Variants in NOTCH4 observed in about 807,000 individuals in gnomAD.
NOTCH4 encodes notch receptor 4.
Under a neutral mutation model 189.0 loss-of-function variants are expected in NOTCH4, and 138 were observed. The ratio of observed to expected loss-of-function variants is 0.73; its 90% confidence interval spans 0.64 to 0.84. The LOEUF is 0.84. Ranked by LOEUF, NOTCH4 falls within the 40% of genes least tolerant of loss-of-function variation. The probability of loss-of-function intolerance (pLI) is 0.00; values close to 1 mark genes in which losing one functional copy is unlikely to be tolerated. For synonymous variants in NOTCH4, 942 were observed against 1,032.8 expected, an observed-to-expected ratio of 0.91 and a Z score of 1.69; for missense variants, 2,286 against 2,605.4, an observed-to-expected ratio of 0.88 and a Z score of 2.67.
chr6:32,220,193 G>C lies in NOTCH4; in HGVS notation c.1251C>G (p.Leu417=), dbSNP rs1789661602. The C allele has an allele frequency of 6.2e-7, 1 of 1,614,034 alleles. No homozygotes were observed. The highest frequency in any genetic ancestry group is 1.3e-5 in the African/African-American group (1 of 75,036). The change falls in exon 7 of 30, where the codon CTC becomes CTG. Residue 417 remains leucine (L), a synonymous_variant. Coordinates refer to ENST00000375023, the MANE Select transcript of NOTCH4 (RefSeq NM_004557.4). ...CCGAATAGCCAGGCTGACACAGGCA[G>C]AGTGTGGAGCCTGTGAGGGGGTTGG... ...CSTNPLTGST[L]CLCQPGYSGP... is the part of the protein sequence containing the mutation.
intron 8 of NOTCH4, 44 bp downstream of exon 8, chr6:32,219,548 C>A (rs1446602100): frequency 1.3e-6 from 2 of 1,569,952 alleles, no homozygotes; most frequent in Non-Finnish European, 1.7e-6. Flanking sequence ...GGGTTCAGGA[C>A]TAGTTCCCTG....
intron 12 of NOTCH4, among the ~76,000 whole-genome samples, chr6:32,214,650 C>T (rs1443496351): frequency 1.3e-5 from 2 of 149,136 alleles, no homozygotes; most frequent in Non-Finnish European, 3.0e-5. Context: ...TTTTTTGAGA[C>T]GGAGTCTTGC....
In NOTCH4 at chr6:32,217,074, C is replaced by CA; in HGVS notation, c.1739-8dup. 1.2e-6 allele frequency: 2 copies of CA among 1,613,100 alleles called. No individual in the cohort carries two copies. Among genetic ancestry groups the CA allele is most frequent in the Non-Finnish European group, 1.7e-6 (2 of 1,180,046 alleles). Reference sequence around the variant, plus strand: ...CAGCGTGGCCCTTCAAAGCCTGTGGCACAGCAGGAAGGTCAGGGACCTGCA... The same window carrying CA: ...CAGCGTGGCCCTTCAAAGCCTGTGGCAACAGCAGGAAGGTCAGGGACCTGCA... On this transcript the variant is annotated splice_polypyrimidine_tract_variant and splice_region_variant and intron_variant, in intron 10 of 29. Transcript: ENST00000375023. This position sits in a 1 kb window ranked among gnomAD's most constrained non-coding sequence, Gnocchi z 4.2.
chr6:32,213,374 C>A, intron 14 of NOTCH4, 122 bp from the exon 15 acceptor site: 1 of 649,236 alleles, frequency 1.5e-6, no homozygotes, highest in East Asian at 2.8e-5. Flanking sequence ...CACTGCCATC[C>A]AATTAATTTT....
At position 32,220,117 on chromosome 6, in the gene NOTCH4, G is replaced by C. The variant is rs756797850; in HGVS notation, c.1315+12C>G. 6.2e-7 allele frequency: 1 copy of C among 1,612,770 alleles called. No homozygotes were observed. The highest frequency in any genetic ancestry group is 1.9e-4 in the Middle Eastern group (1 of 5,302). The stretch of plus-strand genomic sequence containing the variant: ...GAGGCTCAGAGAGGCTCTGAAGTGG[G>C]AGTGGCCTCACCCATCAGACACTCG... On this transcript the variant is annotated intron_variant, in intron 7 of 29. Transcript: ENST00000375023.
In NOTCH4 at chr6:32,223,881, T is replaced by A; in HGVS notation, c.48A>T (p.Leu16=). ...LLLLLLLLLL[L]CVSVVRPRGL... is the part of the protein sequence containing the mutation. ...CTCTGGGTCTGACCACTGAGACACA[T>A]AGCAGCAGCAGCAGCAGCAGCAGCA... The change falls in exon 1 of 30, where the codon CTA becomes CTT. Residue 16 remains leucine (L), a synonymous_variant. Coordinates refer to ENST00000375023, the MANE Select transcript of NOTCH4 (RefSeq NM_004557.4). 1.3e-6 allele frequency: 2 copies of A among 1,583,948 alleles called. No individual in the cohort carries two copies. The highest frequency in any genetic ancestry group is 8.6e-7 in the Non-Finnish European group (1 of 1,169,064).
chr6:32,212,961 G>T lies in NOTCH4; in HGVS notation c.2439-50C>A. 1 of 1,501,548 alleles carries T rather than the reference G, an allele frequency of 6.7e-7. No homozygotes were observed. Among genetic ancestry groups the T allele is most frequent in the East Asian group, 2.3e-5 (1 of 43,916 alleles). 93.0% of individuals were successfully genotyped at this position (1,501,548 alleles called of 1,614,324 possible). On this transcript the variant is annotated intron_variant, in intron 15 of 29. Transcript: ENST00000375023. The surrounding 1 kb of genome is among the most constrained non-coding windows in gnomAD (Gnocchi z 4.4). ...GATAGGAAGAAGTTCGGGCAACAAG[G>T]GGAAGGTAGTGTGTGATATTGTCGG... is the stretch of plus-strand genomic sequence containing the variant.
Position 32,212,818 on chromosome 6 carries a change from C to T in NOTCH4, c.2526+6G>A. Reference sequence around the variant, plus strand: ...CCTCAGCACGCCTGACTTCAATGGCCCTCACCTGGCAGCTGCCTCCGGTGT... The same window carrying T: ...CCTCAGCACGCCTGACTTCAATGGCTCTCACCTGGCAGCTGCCTCCGGTGT... On this transcript the variant is annotated splice_donor_region_variant and intron_variant, in intron 16 of 29. Coordinates refer to ENST00000375023, the MANE Select transcript of NOTCH4 (RefSeq NM_004557.4). The surrounding 1 kb of genome is among the most constrained non-coding windows in gnomAD (Gnocchi z 4.4). 1.3e-6 allele frequency: 2 copies of T among 1,526,702 alleles called. No individual in the cohort carries two copies. The highest frequency in any genetic ancestry group is 2.1e-5 in the Admixed American group (1 of 47,068). The allele number at this position is 1,526,702 out of a possible 1,614,324, so 94.6% of individuals were successfully genotyped here.
intron 19 of NOTCH4, 86 bp downstream of exon 19, chr6:32,204,051 G>A (rs1788521866): frequency 1.3e-6 from 2 of 1,556,008 alleles, no homozygotes; most frequent in Non-Finnish European, 1.7e-6. Flanking sequence ...GGTGACGGCT[G>A]CCGCATGGGT....
Position 32,212,975 on chromosome 6 carries a change from T to C in NOTCH4, c.2439-64A>G, listed in dbSNP as rs1410825407. The C allele has an allele frequency of 2.7e-6, 4 of 1,466,252 alleles. No individual in the cohort carries two copies. Among genetic ancestry groups the C allele is most frequent in the African/African-American group, 1.4e-5 (1 of 71,414 alleles). The allele number at this position is 1,466,252 out of a possible 1,614,324, so 90.8% of individuals were successfully genotyped here. A position where few individuals can be genotyped will look rare whatever the true frequency, so the allele number is the denominator to read the frequency against. On this transcript the variant is annotated intron_variant, in intron 15 of 29. Coordinates refer to ENST00000375023, the MANE Select transcript of NOTCH4 (RefSeq NM_004557.4). This position sits in a 1 kb window ranked among gnomAD's most constrained non-coding sequence, Gnocchi z 4.4. ...CGGGCAACAAGGGGAAGGTAGTGTGTGATATTGTCGGGAGGCAACCACAGG... is the reference window on the plus strand; with the variant it reads ...CGGGCAACAAGGGGAAGGTAGTGTGCGATATTGTCGGGAGGCAACCACAGG...
chr6:32,208,817 T>G (rs1358793549), intron 18 of NOTCH4, among the ~76,000 whole-genome samples: 1 of 152,222 alleles, frequency 6.6e-6, no homozygotes, highest in Non-Finnish European at 1.5e-5. Flanking sequence ...TTGGTGGGAA[T>G]GTAAACTAAC....
rs767104993 is a variant in NOTCH4, at chr6:32,220,236, C to G, written c.1208G>C (p.Gly403Ala). The G allele has an allele frequency of 1.2e-5, 20 of 1,613,744 alleles. No homozygotes were observed. The highest frequency in any genetic ancestry group is 1.6e-5 in the Non-Finnish European group (19 of 1,179,872). The change falls in exon 7 of 30, where the codon GGG (glycine) becomes GCG (alanine). Residue 403 changes from glycine (G) to alanine (A), a missense_variant. Gly to Ala is a moderately conservative substitution (Grantham distance 60). This residue lies in a region of NOTCH4 where 1,903 missense variants were observed against 2,261.9 expected (regional missense o/e 0.84). Transcript: ENST00000375023. ...EDMCLSQPCH[G>A]DAQCSTNPLT... ...GGGGTTGGTGCTGCATTGGGCATCC[C>G]CATGGCACGGCTGGCTCAGACACAT...
intron 12 of NOTCH4, 39 bp downstream of exon 12, chr6:32,215,186 CA>C: frequency 6.5e-7 from 1 of 1,534,336 alleles, no homozygotes; most frequent in Non-Finnish European, 8.8e-7. Context: ...GAAGGGAGCC[CA>C]AAGGAGGGGG....
Position 32,197,436 on chromosome 6 carries a change from G to T in NOTCH4, c.4915C>A (p.His1639Asn). Residue 1639 changes from histidine to asparagine, a missense_variant, in exon 27 of 30, where the codon CAC (histidine) becomes AAC (asparagine). His to Asn is a moderately conservative substitution (Grantham distance 68). Coordinates refer to ENST00000375023, the MANE Select transcript of NOTCH4 (RefSeq NM_004557.4). ...HTVGTGETPLHLAARFSRPTA... is the reference protein window; with the variant it reads ...HTVGTGETPLNLAARFSRPTA... ...GGCCGGGAGAATCGGGCAGCCAGGT[G>T]CAGGGGGGTCTCCCCAGTGCCCACG... 6.4e-7 allele frequency: 1 copy of T among 1,558,260 alleles called. No homozygotes were observed. Among genetic ancestry groups the T allele is most frequent in the Non-Finnish European group, 8.7e-7 (1 of 1,152,064 alleles).
chr6:32,222,430 G>A (rs187797951), intron 3 of NOTCH4, 81 bp downstream of exon 3: 5 of 1,270,840 alleles, frequency 3.9e-6, no homozygotes, highest in Admixed American at 3.5e-5. Flanking sequence ...AGTTTCTCAG[G>A]CTCCAGTTCT....
rs1787871368 is a variant in NOTCH4 at position 32,195,935 on chromosome 6, C to A, written c.5514G>T (p.Gly1838=). ...ACACCGTCCGTGCGCGCGGGAAGGGCCCAGCCTCGCGGCCCGGCGTGGCTT... is the reference window on the plus strand; with the variant it reads ...ACACCGTCCGTGCGCGCGGGAAGGGACCAGCCTCGCGGCCCGGCGTGGCTT... The part of the protein sequence containing the change: ...RHKATPGREA[G]PFPRARTVSV... Residue 1838 remains glycine (G), a synonymous_variant, in exon 30 of 30, where the codon GGG becomes GGT. Transcript: ENST00000375023. This position sits in a 1 kb window ranked among gnomAD's most constrained non-coding sequence, Gnocchi z 5.4. 1.3e-6 allele frequency: 2 copies of A among 1,589,378 alleles called. No individual in the cohort carries two copies.
chr6:32,198,665 C>G lies in NOTCH4; in HGVS notation c.4601G>C (p.Gly1534Ala). The G allele has an allele frequency of 6.2e-7, 1 of 1,612,520 alleles. No individual in the cohort carries two copies. Among genetic ancestry groups the G allele is most frequent in the Non-Finnish European group, 8.5e-7 (1 of 1,179,748 alleles). The change falls in exon 25 of 30, where the codon GGA becomes GCA. Residue 1534 changes from glycine to alanine, a missense_variant. By Grantham distance (60) the Gly-to-Ala change is moderately conservative. Coordinates refer to ENST00000375023, the MANE Select transcript of NOTCH4 (RefSeq NM_004557.4). This position sits in a 1 kb window ranked among gnomAD's most constrained non-coding sequence, Gnocchi z 5.5. ...GVVMCSGPEE[G>A]EEVGQAEETG... is the part of the protein sequence containing the mutation. ...CCCTTTCACCTGGCCCACCTCCTCT[C>G]CCTCCTCAGGGCCTGAGCACATCAC...
intron 17 of NOTCH4, among the ~76,000 whole-genome samples, chr6:32,211,564 C>T (rs938281228): frequency 2.0e-4 from 31 of 151,408 alleles, no homozygotes; most frequent in African/African-American, 6.8e-4. Flanking sequence ...CTGCACTCCA[C>T]CCTGGGTGAC....
Position 32,218,093 on chromosome 6 carries a change from A to G in NOTCH4, c.1526T>C (p.Leu509Pro), listed in dbSNP as rs765298875. Residue 509 changes from leucine (L) to proline (P), a missense_variant, in exon 9 of 30, where the codon CTC (leucine) becomes CCC (proline). Around this residue, in one of 2 missense-constraint regions of NOTCH4, gnomAD observed 1,903 missense variants for 2,261.9 expected, o/e 0.84. Coordinates refer to ENST00000375023, the MANE Select transcript of NOTCH4 (RefSeq NM_004557.4). ...CLCPPGLEGQ[L>P]CEVETNECAS... Reference sequence around the variant, plus strand: ...ACACTCGTTGGTCTCCACCTCACAGAGCTGCCCTTCTAAGCCTGGGGACAT... The same window carrying G: ...ACACTCGTTGGTCTCCACCTCACAGGGCTGCCCTTCTAAGCCTGGGGACAT... The G allele has an allele frequency of 6.2e-7, 1 of 1,612,112 alleles. No homozygotes were observed. The highest frequency in any genetic ancestry group is 8.5e-7 in the Non-Finnish European group (1 of 1,178,798).
Sources: allele counts gnomAD v4.1 joint callset (sites outside exome capture counted in the v4.1 genomes callset), GRCh38; gene constraint gnomAD v4.1.1; regional missense constraint gnomAD v4.1.1; non-coding constraint Gnocchi (gnomAD v3.1); transcripts MANE v1.5; gene names NCBI Gene and HGNC (gene_info 2026-07-23, HGNC 2026-07-21).